CCDC192: variants seen among roughly 807,000 people sequenced by gnomAD.
CCDC192 encodes the protein coiled-coil domain-containing protein 192.
chr5:127,858,850 A>G (rs1751225360), intron 5 of CCDC192, among the ~76,000 whole-genome samples: 1 of 152,218 alleles, frequency 6.6e-6, no homozygotes, highest in South Asian at 2.1e-4. Flanking sequence ...GCCAGCTAAT[A>G]TTTCATAAGG....
At chr5:127,765,946 A>C (rs1755199442) in intron 3 of CCDC192, among the ~76,000 whole-genome samples, 1 of 152,090 alleles carries the variant, frequency 6.6e-6, no homozygotes, top group African/African-American at 2.4e-5. Context: ...AAGCTCCCTG[A>C]GTCTGTTTGG....
intron 6 of CCDC192, among the ~76,000 whole-genome samples, chr5:127,921,163 A>AG (rs1561552705): frequency 1.7e-4 from 15 of 89,878 alleles, no homozygotes; most frequent in African/African-American, 1.0e-3. Flanking sequence ...AAAGGAGAAA[A>AG]GAAAAGAAAA....
chr5:127,784,568 A>G (rs1341388029), intron 3 of CCDC192: 9 of 488,190 alleles, frequency 1.8e-5, no homozygotes, highest in East Asian at 1.5e-4. Flanking sequence ...TCTTTCCAAC[A>G]TGAACTATTT....
intron 6 of CCDC192, among the ~76,000 whole-genome samples, chr5:127,918,116 C>T (rs1753580084): frequency 6.7e-6 from 1 of 150,328 alleles, no homozygotes; most frequent in Non-Finnish European, 1.5e-5. Context: ...GTCTGGGTAA[C>T]AGAGCAAGAC....
At chr5:127,727,421 G>A (rs185159559) in intron 2 of CCDC192, among the ~76,000 whole-genome samples, 20 of 152,014 alleles carry the variant, frequency 1.3e-4, no homozygotes, top group African/African-American at 4.1e-4. Flanking sequence ...GCGGAGAGCT[G>A]AGATCATGCC....
chr5:127,871,843 G>A (rs245183), intron 5 of CCDC192, among the ~76,000 whole-genome samples: 100,778 of 152,050 alleles, frequency 0.66, 33,502 homozygotes, highest in Non-Finnish European at 0.7. Context: ...CTTTCCACCC[G>A]GTAGGAGAAG....
chr5:127,738,854 CT>C (rs1753202513), intron 2 of CCDC192, among the ~76,000 whole-genome samples: 1 of 152,048 alleles, frequency 6.6e-6, no homozygotes, highest in East Asian at 1.9e-4. Flanking sequence ...CAGTTTTCAA[CT>C]TCTTTGCCTT....
intron 2 of CCDC192, among the ~76,000 whole-genome samples, chr5:127,711,589 A>T (rs1284799360): frequency 6.6e-6 from 1 of 152,182 alleles, no homozygotes; most frequent in African/African-American, 2.4e-5. Context: ...TATTTCTGGT[A>T]TCTATAAATT....
At position 127,889,575 on chromosome 5, in the gene CCDC192, A is replaced by G. The variant is rs144284650; in HGVS notation, c.535+13914A>G. Among the ~76,000 whole-genome samples, 728 of 151,902 alleles carry G rather than the reference A, an allele frequency of 4.8e-3. 4 individuals are homozygous for G. Among genetic ancestry groups the G allele is most frequent in the African/African-American group, 0.017 (692 of 41,440 alleles). On this transcript the variant is annotated intron_variant, in intron 6 of 6. Transcript: ENST00000514853. ...CGCCACCACGCCCTGCTAATTTTTG[A>G]ATTTTCAGTAGAGATGAGGTTTTAC...
chr5:127,719,828 A>AG (rs1751903633), intron 2 of CCDC192, among the ~76,000 whole-genome samples: 2 of 43,680 alleles, frequency 4.6e-5, no homozygotes, highest in African/African-American at 8.3e-5. Context: ...AGATCAGAGG[A>AG]AGGGGCGGGG....
chr5:127,885,243 TAC>T (rs1353645712), intron 6 of CCDC192, among the ~76,000 whole-genome samples: 5 of 152,194 alleles, frequency 3.3e-5, no homozygotes, highest in African/African-American at 1.2e-4. Context: ...CGTTCTTAGC[TAC>T]AGAGACTGCT....
chr5:127,787,949 A>G (rs1756641848), intron 3 of CCDC192, among the ~76,000 whole-genome samples: 3 of 152,032 alleles, frequency 2.0e-5, no homozygotes. Context: ...GGGCATCATA[A>G]TGCATGCCTG....
intron 2 of CCDC192, among the ~76,000 whole-genome samples, chr5:127,735,641 C>T (rs1262779447): frequency 1.6e-5 from 2 of 127,080 alleles, no homozygotes; most frequent in Non-Finnish European, 3.1e-5. Flanking sequence ...AGAGGTCCTT[C>T]ACATCCCTTG....
intron 5 of CCDC192, among the ~76,000 whole-genome samples, chr5:127,864,359 C>A: frequency 6.6e-6 from 1 of 152,182 alleles, no homozygotes; most frequent in East Asian, 1.9e-4. Context: ...AAGTTCCCTC[C>A]CTACCTGCTA....
intron 6 of CCDC192, among the ~76,000 whole-genome samples, chr5:127,887,669 A>G (rs557690472): frequency 6.6e-6 from 1 of 151,762 alleles, no homozygotes; most frequent in African/African-American, 2.4e-5. Flanking sequence ...ATTTTAAATT[A>G]TGTGTAACAT....
chr5:127,779,617 C>T (rs1756073952), intron 3 of CCDC192, among the ~76,000 whole-genome samples: 1 of 152,152 alleles, frequency 6.6e-6, no homozygotes, highest in African/African-American at 2.4e-5. Context: ...AAATTACATA[C>T]CATCACCCAA....
intron 5 of CCDC192, among the ~76,000 whole-genome samples, chr5:127,842,093 T>C (rs568576041): frequency 6.6e-6 from 1 of 152,312 alleles, no homozygotes; most frequent in South Asian, 2.1e-4. Flanking sequence ...TCCTCTGAAT[T>C]TTCTAGCAGG....
At chr5:127,762,661 A>C (rs1754996575) in intron 3 of CCDC192, among the ~76,000 whole-genome samples, 1 of 152,218 alleles carries the variant, frequency 6.6e-6, no homozygotes, top group Non-Finnish European at 1.5e-5. Context: ...AACAGAGGTC[A>C]GTTTTAAATA....
At chr5:127,759,841 T>C (rs1754813277) in intron 3 of CCDC192, among the ~76,000 whole-genome samples, 1 of 152,226 alleles carries the variant, frequency 6.6e-6, no homozygotes, top group Admixed American at 6.5e-5. Context: ...TCTCTTCTAC[T>C]CTTTCTCATC....
Sources: allele counts gnomAD v4.1 joint callset (sites outside exome capture counted in the v4.1 genomes callset), GRCh38; gene constraint gnomAD v4.1.1; transcripts MANE v1.5; gene names NCBI Gene and HGNC (gene_info 2026-07-23, HGNC 2026-07-21).